Variants in VAT1L observed in about 807,000 individuals in gnomAD.
The protein encoded by VAT1L is vesicle amine transport 1 like.
In VAT1L, 34 loss-of-function variants were observed where a neutral mutation model predicts 44.1. The ratio of observed to expected loss-of-function variants is 0.77; its 90% CI spans 0.59 to 1.03. VAT1L has a LOEUF of 1.03. Ranked by LOEUF, VAT1L falls within the 50% of genes least tolerant of loss-of-function variation. VAT1L has a pLI of 0.00. For synonymous variants in VAT1L, 253 were observed against 202.2 expected (o/e 1.25, Z -2.13); for missense variants, 615 against 538.8 (o/e 1.14, Z -1.40).
intron 7 of VAT1L, among the ~76,000 whole-genome samples, chr16:77,943,415 T>C (rs936111655): frequency 3.4e-5 from 5 of 146,784 alleles, no homozygotes; most frequent in Admixed American, 1.4e-4. Flanking sequence ...AGTCTCGCTC[T>C]GTCTCCCAGG....
At chr16:77,963,796 G>A (rs1020882470) in intron 7 of VAT1L, among the ~76,000 whole-genome samples, 4 of 152,112 alleles carry the variant, frequency 2.6e-5, no homozygotes, top group African/African-American at 9.7e-5. Context: ...TATTGGGGAA[G>A]CCATGGGAAA....
intron 7 of VAT1L, among the ~76,000 whole-genome samples, chr16:77,933,410 T>A (rs1394277690): frequency 2.6e-5 from 4 of 152,226 alleles, no homozygotes; most frequent in Non-Finnish European, 1.5e-5. Context: ...ATTTGAATAT[T>A]CATTAAACAC....
chr16:77,873,760 T>C (rs910257379), intron 4 of VAT1L, among the ~76,000 whole-genome samples: 16 of 152,062 alleles, frequency 1.1e-4, no homozygotes, highest in African/African-American at 3.9e-4. Context: ...GGAAAGATCG[T>C]ATGTGGGTGA....
At chr16:77,937,739 A>G (rs1045681058) in intron 7 of VAT1L, among the ~76,000 whole-genome samples, 3 of 152,222 alleles carry the variant, frequency 2.0e-5, no homozygotes, top group African/African-American at 7.2e-5. Context: ...CTGTCTCACA[A>G]ATTCTCAGAC....
chr16:77,816,876 G>A, intron 1 of VAT1L, 45 bp from the exon 2 acceptor site: 3 of 1,542,824 alleles, frequency 1.9e-6, no homozygotes, highest in Non-Finnish European at 1.8e-6. Flanking sequence ...GCTTTCTTTT[G>A]GATCTCATTT....
chr16:77,907,440 A>G lies in VAT1L; in HGVS notation c.1077+22638A>G, dbSNP rs551197048. 3.3e-5 allele frequency among the ~76,000 whole-genome samples: 5 copies of G among 152,258 alleles called. No individual in the cohort carries two copies. The East Asian group carries it at 9.7e-4, about 29-fold the overall frequency. Reference sequence around the variant, plus strand: ...AGAATTTTTTGCTGTGAGGCTATATAAAGAAATCAATATCCAGGCAGAACC... The same window carrying G: ...AGAATTTTTTGCTGTGAGGCTATATGAAGAAATCAATATCCAGGCAGAACC... On this transcript the variant is annotated intron_variant, in intron 7 of 8. Transcript: ENST00000302536.
intron 7 of VAT1L, among the ~76,000 whole-genome samples, chr16:77,944,842 G>C (rs896162848): frequency 6.6e-6 from 1 of 152,104 alleles, no homozygotes; most frequent in African/African-American, 2.4e-5. Context: ...CTGCAGAGTG[G>C]TGAACGGCAA....
At chr16:77,800,214 C>A (rs1260659144) in intron 1 of VAT1L, 1 of 152,178 alleles carries the variant, frequency 6.6e-6, no homozygotes, top group Non-Finnish European at 1.5e-5. Flanking sequence ...CTTTCCCTAG[C>A]CTGGGAAATG....
Position 77,816,952 on chromosome 16 carries a change from C to A in VAT1L, c.265C>A (p.Gln89Lys), listed in dbSNP as rs2016366305. 2 of 1,613,842 alleles carry A rather than the reference C, an allele frequency of 1.2e-6. No individual in the cohort carries two copies. Among genetic ancestry groups the A allele is most frequent in the East Asian group, 2.2e-5 (1 of 44,866 alleles). ...GLNFIDLMVR[Q>K]GNIDNPPKTP... is the part of the protein sequence containing the mutation. Reference sequence around the variant, plus strand: ...AAACTTCATTGACTTGATGGTGCGACAAGGGAATATTGACAACCCTCCCAA... The same window carrying A: ...AAACTTCATTGACTTGATGGTGCGAAAAGGGAATATTGACAACCCTCCCAA... The change falls in exon 2 of 9, where the codon CAA becomes AAA. Residue 89 changes from glutamine to lysine, a missense_variant. Coordinates refer to ENST00000302536, the MANE Select transcript of VAT1L (RefSeq NM_020927.3).
intron 7 of VAT1L, among the ~76,000 whole-genome samples, chr16:77,944,035 C>G (rs1173054812): frequency 6.6e-6 from 1 of 152,168 alleles, no homozygotes; most frequent in East Asian, 1.9e-4. Flanking sequence ...GGCTGTGCTT[C>G]TCAGCTGGGA....
intron 3 of VAT1L, among the ~76,000 whole-genome samples, chr16:77,844,472 T>G (rs767630023): frequency 1.3e-5 from 2 of 152,094 alleles, no homozygotes; most frequent in African/African-American, 2.4e-5. Flanking sequence ...GCAGTGGCGC[T>G]ATCTCAGCTC....
At chr16:77,802,696 A>T in intron 1 of VAT1L, among the ~76,000 whole-genome samples, 1 of 151,646 alleles carries the variant, frequency 6.6e-6, no homozygotes, top group East Asian at 1.9e-4. Context: ...CATGGCACGG[A>T]CAAAACTTCT....
chr16:77,796,733 T>C (rs1357145533), intron 1 of VAT1L, among the ~76,000 whole-genome samples: 1 of 152,226 alleles, frequency 6.6e-6, no homozygotes, highest in African/African-American at 2.4e-5. Flanking sequence ...CCATCTCTTG[T>C]TTTCTTGCCT....
At chr16:77,802,672 A>C (rs2016085447) in intron 1 of VAT1L, among the ~76,000 whole-genome samples, 1 of 146,242 alleles carries the variant, frequency 6.8e-6, no homozygotes. Context: ...ACACACACTA[A>C]AGTTGCATCC....
chr16:77,919,426 C>T (rs1010226389), intron 7 of VAT1L, among the ~76,000 whole-genome samples: 3 of 152,170 alleles, frequency 2.0e-5, no homozygotes, highest in Non-Finnish European at 2.9e-5. Flanking sequence ...TGTTGCCAGG[C>T]AGCCTATTTA....
intron 7 of VAT1L, among the ~76,000 whole-genome samples, chr16:77,919,906 G>T (rs2017593640): frequency 6.6e-6 from 1 of 152,060 alleles, no homozygotes; most frequent in East Asian, 1.9e-4. Flanking sequence ...TGGCTAACAT[G>T]TGAAACCCCA....
chr16:77,855,926 A>G (rs1045385178), intron 3 of VAT1L, among the ~76,000 whole-genome samples: 1 of 152,122 alleles, frequency 6.6e-6, no homozygotes, highest in Non-Finnish European at 1.5e-5. Flanking sequence ...GCTGAGGCAG[A>G]AGAATTGCTT....
At chr16:77,875,807 A>G (rs1231109817) in intron 4 of VAT1L, among the ~76,000 whole-genome samples, 1 of 152,170 alleles carries the variant, frequency 6.6e-6, no homozygotes, top group Non-Finnish European at 1.5e-5. Context: ...AGTTAGACTA[A>G]CGTGCTTTAT....
chr16:77,965,524 T>A (rs1273906899), intron 7 of VAT1L, among the ~76,000 whole-genome samples: 1 of 152,190 alleles, frequency 6.6e-6, no homozygotes, highest in Non-Finnish European at 1.5e-5. Flanking sequence ...CTCCACTGTC[T>A]GGATGGGAAA....
Sources: gnomAD v4.1 joint callset for allele counts (sites outside exome capture counted in the v4.1 genomes callset) on GRCh38, gnomAD v4.1.1 for gene constraint, MANE v1.5 for transcripts, NCBI Gene and HGNC (gene_info 2026-07-23, HGNC 2026-07-21) for gene names.